Variants in TMEM8B observed in about 807,000 individuals in gnomAD.
TMEM8B encodes nasopharyngeal carcinoma expressed 6.
Under a neutral mutation model 49.3 loss-of-function variants are expected in TMEM8B, and 29 were observed. The ratio of observed to expected loss-of-function variants is 0.59; its 90% CI spans 0.44 to 0.80. The LOEUF is 0.80. Ranked by LOEUF, TMEM8B falls within the 30% of genes least tolerant of loss-of-function variation. The pLI, the probability that TMEM8B is intolerant of heterozygous loss-of-function variation, is 0.00. For missense variants in TMEM8B, 575 were observed against 658.5 expected (o/e 0.87, Z 1.39); for synonymous variants, 264 against 272.8 (o/e 0.97, Z 0.32).
intron 3 of TMEM8B, among the ~76,000 whole-genome samples, chr9:35,838,016 T>G (rs1347974952): frequency 6.6e-6 from 1 of 152,126 alleles, no homozygotes; most frequent in East Asian, 1.9e-4. Context: ...TGAAAGCAAC[T>G]ACGAGGAAAG....
rs371295915 is a variant in TMEM8B at position 35,840,107 on chromosome 9, G to A, written c.907-1027G>A. ...GTCTGTAGGGCTCATATAGCTGCAC[G>A]TGCTGCAGAAGAGGAACTGCGACAA... On this transcript the variant is annotated intron_variant, in intron 3 of 12. Transcript: ENST00000643932. 9.8e-5 allele frequency among the ~76,000 whole-genome samples: 15 copies of A among 152,318 alleles called. No individual in the cohort carries two copies. In the East Asian group the frequency reaches 2.5e-3, roughly 25 times the overall value.
In TMEM8B at chr9:35,855,978, A is replaced by C. The variant is rs1324636705; in HGVS notation, c.*2138A>C. The C allele has an allele frequency of 6.6e-6, 1 of 152,218 alleles. No homozygotes were observed. Among genetic ancestry groups the C allele is most frequent in the African/African-American group, 2.4e-5 (1 of 41,444 alleles). The allele number at this position is 152,218 out of a possible 1,614,324, so 9.4% of individuals were successfully genotyped here. Reference sequence around the variant, plus strand: ...GTCACTGGGATGCTTGAACCCAAATAGCTGGGATTCTGGACAGAGTCAGCA... The same window carrying C: ...GTCACTGGGATGCTTGAACCCAAATCGCTGGGATTCTGGACAGAGTCAGCA... On this transcript the variant is annotated 3_prime_UTR_variant, in exon 13 of 13. Coordinates refer to ENST00000643932, the MANE Select transcript of TMEM8B (RefSeq NM_001042590.4).
intron 6 of TMEM8B, among the ~76,000 whole-genome samples, chr9:35,844,661 A>G (rs1041800665): frequency 1.3e-5 from 2 of 152,262 alleles, no homozygotes; most frequent in Non-Finnish European, 1.5e-5. Flanking sequence ...TGACAGTGAG[A>G]TCTTGATTCG....
Position 35,853,614 on chromosome 9 carries a change from C to T in TMEM8B, c.2549C>T (p.Ala850Val). Reference protein sequence around the residue: ...LIAGSAVLLYAFVETRDNYFY... With the variant: ...LIAGSAVLLYVFVETRDNYFY... ...GCAGGCAGTGCCGTCCTGCTTTATG[C>T]TTTTGTGGAGACCCGGGACAACTAC... The change falls in exon 13 of 13, where the codon GCT becomes GTT. Residue 850 changes from alanine to valine, a missense_variant. Coordinates refer to ENST00000643932, the MANE Select transcript of TMEM8B (RefSeq NM_001042590.4). The surrounding 1 kb of genome is among the most constrained non-coding windows in gnomAD (Gnocchi z 4.2). The T allele has an allele frequency of 3.1e-6, 5 of 1,614,266 alleles. No individual in the cohort carries two copies. Among genetic ancestry groups the T allele is most frequent in the Non-Finnish European group, 3.4e-6 (4 of 1,180,048 alleles).
rs375288441 is a variant in TMEM8B, at chr9:35,846,270, G to T, written c.1742G>T (p.Gly581Val). Residue 581 changes from glycine (G) to valine (V), a missense_variant, in exon 8 of 13, where the codon GGC becomes GTC. Transcript: ENST00000643932. The part of the protein sequence containing the change: ...AVTCSKESLA[G>V]FLLSVSATTR... ...CTTCTCCCTTCAGAGTCCCTGGCCG[G>T]CTTCCTCCTCTCTGTCAGTGCCACC... 1.9e-6 allele frequency: 3 copies of T among 1,614,080 alleles called. No homozygotes were observed. Among genetic ancestry groups the T allele is most frequent in the African/African-American group, 2.7e-5 (2 of 74,930 alleles).
At chr9:35,840,844 A>T (rs1830914587) in intron 3 of TMEM8B, among the ~76,000 whole-genome samples, 1 of 151,992 alleles carries the variant, frequency 6.6e-6, no homozygotes, top group Non-Finnish European at 1.5e-5. Flanking sequence ...TTAGATTGGG[A>T]GAAGGGGCAA....
At position 35,842,632 on chromosome 9, in the gene TMEM8B, CT is replaced by C; in HGVS notation, c.1551del (p.Glu518SerfsTer8). 2.5e-6 allele frequency: 4 copies of C among 1,614,242 alleles called. No homozygotes were observed. Among genetic ancestry groups the C allele is most frequent in the South Asian group, 1.1e-5 (1 of 91,084 alleles). On this transcript the variant is annotated frameshift_variant, in exon 6 of 13. Transcript: ENST00000643932. LOFTEE classifies it high-confidence loss of function. This position sits in a 1 kb window ranked among gnomAD's most constrained non-coding sequence, Gnocchi z 5.6. ...TTTGGCCCAAGTGTGGCCCTTCCCC[CT>C]GAGCGCCCAGCCGTGTTCGCCATGA... The part of the protein sequence containing the change: ...IFFGPSVALP[P>X]ERPAVFAMRL...
Position 35,852,992 on chromosome 9 carries a change from C to T in TMEM8B, c.2322+19C>T, listed in dbSNP as rs1169014258. On this transcript the variant is annotated intron_variant, in intron 11 of 12. Coordinates refer to ENST00000643932, the MANE Select transcript of TMEM8B (RefSeq NM_001042590.4). ...CAAGCAGGTCAGTCCAGAGTGGGCC[C>T]TGGGGAACAACCATGGCCAAGTCTC... is the stretch of plus-strand genomic sequence containing the variant. 1 of 1,613,954 alleles carries T rather than the reference C, an allele frequency of 6.2e-7. No homozygotes were observed. Among genetic ancestry groups the T allele is most frequent in the African/African-American group, 1.3e-5 (1 of 74,916 alleles).
In TMEM8B at chr9:35,853,564, C is replaced by T. The variant is rs1564048983; in HGVS notation, c.2499C>T (p.Phe833=). Residue 833 remains phenylalanine, a synonymous_variant, in exon 13 of 13, where the codon TTC becomes TTT. Transcript: ENST00000643932. This position sits in a 1 kb window ranked among gnomAD's most constrained non-coding sequence, Gnocchi z 4.2. ...CACCCACGTGGCGCCGCTGGCTTTT[C>T]TACTTGTGCCCTGGCAGCCTTATTG... ...CYPPTWRRWL[F]YLCPGSLIAG... 1 of 1,614,230 alleles carries T rather than the reference C, an allele frequency of 6.2e-7. No individual in the cohort carries two copies. Among genetic ancestry groups the T allele is most frequent in the South Asian group, 1.1e-5 (1 of 91,088 alleles).
At chr9:35,849,045 TCTCA>T (rs976261475) in intron 10 of TMEM8B, among the ~76,000 whole-genome samples, 2 of 152,138 alleles carry the variant, frequency 1.3e-5, no homozygotes, top group Non-Finnish European at 2.9e-5. Context: ...AAAGTCCTGC[TCTCA>T]CTCCTGTTCT....
chr9:35,851,227 C>T (rs1832100945), intron 10 of TMEM8B, among the ~76,000 whole-genome samples: 1 of 151,744 alleles, frequency 6.6e-6, no homozygotes, highest in African/African-American at 2.4e-5. Context: ...CCCACCTCAG[C>T]CCCTTCTGCC....
chr9:35,862,530 G>A lies in TMEM8B; in HGVS notation c.*8690G>A, dbSNP rs371407757. On this transcript the variant is annotated 3_prime_UTR_variant, in exon 13 of 13. Coordinates refer to ENST00000643932, the MANE Select transcript of TMEM8B (RefSeq NM_001042590.4). The stretch of plus-strand genomic sequence containing the variant: ...GGCGGAGGCATTTGAGGGCTTTTGT[G>A]TGTGCAGGCTCTGGCCCGTCCTCCT... The A allele has an allele frequency of 6.6e-6, 1 of 152,282 alleles. No individual in the cohort carries two copies. Among genetic ancestry groups the A allele is most frequent in the East Asian group, 1.9e-4 (1 of 5,194 alleles). The allele number at this position is 152,282 out of a possible 1,614,324, so 9.4% of individuals were successfully genotyped here.
chr9:35,842,690 C>T lies in TMEM8B; in HGVS notation c.1608C>T (p.Val536=), dbSNP rs776592424. 4 of 1,613,590 alleles carry T rather than the reference C, an allele frequency of 2.5e-6. No homozygotes were observed. The highest frequency in any genetic ancestry group is 1.3e-5 in the African/African-American group (1 of 74,928). ...TGCCAGTGCTGGACAGTGGAGGCGTCCTCAGCCTGGAGCTCCAGCTCAATG... is the reference window on the plus strand; with the variant it reads ...TGCCAGTGCTGGACAGTGGAGGCGTTCTCAGCCTGGAGCTCCAGCTCAATG... The part of the protein sequence containing the change: ...RLLPVLDSGG[V]LSLELQLNAS... Residue 536 remains valine, a synonymous_variant, in exon 6 of 13, where the codon GTC becomes GTT. Transcript: ENST00000643932. This position sits in a 1 kb window ranked among gnomAD's most constrained non-coding sequence, Gnocchi z 5.6.
rs1006834926 is a variant in TMEM8B, at chr9:35,842,880, A to T, written c.1635+163A>T. 6.6e-6 allele frequency among the ~76,000 whole-genome samples: 1 copy of T among 152,184 alleles called. No individual in the cohort carries two copies. Among genetic ancestry groups the T allele is most frequent in the Non-Finnish European group, 1.5e-5 (1 of 68,036 alleles). ...CTCAGCCCAATTCTGGTCAACAAAC[A>T]TGTCCTGAGTATTCACTCTGCTACA... is the stretch of plus-strand genomic sequence containing the variant. On this transcript the variant is annotated intron_variant, in intron 6 of 12. Coordinates refer to ENST00000643932, the MANE Select transcript of TMEM8B (RefSeq NM_001042590.4). This position sits in a 1 kb window ranked among gnomAD's most constrained non-coding sequence, Gnocchi z 5.6.
Position 35,846,939 on chromosome 9 carries a change from C to G in TMEM8B, c.2119C>G (p.Arg707Gly). 1 of 1,614,216 alleles carries G rather than the reference C, an allele frequency of 6.2e-7. No individual in the cohort carries two copies. Among genetic ancestry groups the G allele is most frequent in the Non-Finnish European group, 8.5e-7 (1 of 1,180,034 alleles). ...MFLPPVVLAI[R>G]SRYVLEAAVY... ...TCTGCCACCTGTGGTCCTGGCCATT[C>G]GGAGTCGATATGTGCTGGAAGCTGC... The change falls in exon 10 of 13, where the codon CGG becomes GGG. Residue 707 changes from arginine (R) to glycine (G), a missense_variant. Transcript: ENST00000643932.
intron 3 of TMEM8B, among the ~76,000 whole-genome samples, chr9:35,839,934 T>A (rs1201064445): frequency 6.6e-6 from 1 of 152,168 alleles, no homozygotes; most frequent in Non-Finnish European, 1.5e-5. Context: ...CCTTCCAGCC[T>A]TTTGGAGCTT....
At chr9:35,844,425 T>C (rs143949665) in intron 6 of TMEM8B, among the ~76,000 whole-genome samples, 1 of 152,240 alleles carries the variant, frequency 6.6e-6, no homozygotes, top group East Asian at 1.9e-4. Flanking sequence ...AACTCTACTA[T>C]CCTCCAGCCC....
intron 10 of TMEM8B, among the ~76,000 whole-genome samples, chr9:35,850,579 G>A (rs527338558): frequency 1.6e-4 from 24 of 152,198 alleles, no homozygotes; most frequent in Admixed American, 5.9e-4. Flanking sequence ...ATAATTAGTC[G>A]TAAAATATTA....
At chr9:35,848,064 A>G (rs1394459284) in intron 10 of TMEM8B, among the ~76,000 whole-genome samples, 1 of 152,228 alleles carries the variant, frequency 6.6e-6, no homozygotes, top group Non-Finnish European at 1.5e-5. Flanking sequence ...ATCCTGCATT[A>G]CTAGGTCAGA....
Sources: gnomAD v4.1 joint callset for allele counts (sites outside exome capture counted in the v4.1 genomes callset) on GRCh38, gnomAD v4.1.1 for gene constraint, Gnocchi (gnomAD v3.1) non-coding constraint, MANE v1.5 for transcripts, NCBI Gene and HGNC (gene_info 2026-07-23, HGNC 2026-07-21) for gene names.